The following KCNMB2 variants were observed in gnomAD, a reference collection of about 807,000 sequenced individuals.
KCNMB2 encodes the protein potassium calcium-activated channel subfamily M regulatory beta subunit 2.
KCNMB2 carries 9 observed loss-of-function variants against 24.5 expected under a neutral mutation model. The ratio of observed to expected loss-of-function variants is 0.37; its 90% confidence interval spans 0.22 to 0.64. KCNMB2 has a LOEUF of 0.64. Ranked by LOEUF, KCNMB2 falls within the 30% of genes least tolerant of loss-of-function variation. KCNMB2 has a pLI of 0.63. For missense variants in KCNMB2, 226 were observed against 284.3 expected (o/e 0.79, Z 1.47); for synonymous variants, 109 against 104.4 (o/e 1.04, Z -0.27).
chr3:178,598,353 G>T (rs1288762168), intron 1 of KCNMB2, among the ~76,000 whole-genome samples: 2 of 152,082 alleles, frequency 1.3e-5, no homozygotes, highest in Non-Finnish European at 2.9e-5. Flanking sequence ...AATACGAATT[G>T]TTATATAGAG....
Position 178,842,819 on chromosome 3 carries a change from T to C in KCNMB2, c.590T>C (p.Phe197Ser). Residue 197 changes from phenylalanine (F) to serine (S), a missense_variant, in exon 5 of 5, where the codon TTC (phenylalanine) becomes TCC (serine). Physicochemically the swap from Phe to Ser is radical, Grantham distance 155. Coordinates refer to ENST00000452583, the MANE Select transcript of KCNMB2 (RefSeq NM_181361.3). ...AAACTCTACAGTTCCAACGTGCTGT[T>C]CCATTCACTCTTCTGGCCAACCTGT... ...LTKLYSSNVLFHSLFWPTCMM... is the reference protein window; with the variant it reads ...LTKLYSSNVLSHSLFWPTCMM... 2 of 1,614,012 alleles carry C rather than the reference T, an allele frequency of 1.2e-6. No individual in the cohort carries two copies. The highest frequency in any genetic ancestry group is 1.1e-5 in the South Asian group (1 of 91,078).
At chr3:178,642,580 G>T (rs141800297) in intron 1 of KCNMB2, among the ~76,000 whole-genome samples, 9 of 152,344 alleles carry the variant, frequency 5.9e-5, no homozygotes, top group African/African-American at 2.2e-4. Context: ...AAGTTAGGGA[G>T]AAGATGTTCT....
intron 2 of KCNMB2, among the ~76,000 whole-genome samples, chr3:178,822,551 C>T (rs1438962720): frequency 7.1e-6 from 1 of 140,446 alleles, no homozygotes; most frequent in Admixed American, 7.1e-5. Context: ...CTGAACTCTG[C>T]TCTTCCAAAT....
At chr3:178,692,360 G>A (rs775814973) in intron 1 of KCNMB2, among the ~76,000 whole-genome samples, 6 of 152,114 alleles carry the variant, frequency 3.9e-5, no homozygotes, top group Non-Finnish European at 7.4e-5. Context: ...TGTCTTCAAG[G>A]AATTTTATAG....
chr3:178,758,512 C>A (rs866119286), intron 1 of KCNMB2, among the ~76,000 whole-genome samples: 6 of 28,666 alleles, frequency 2.1e-4, no homozygotes, highest in Admixed American at 4.6e-4. Flanking sequence ...ATATATATAT[C>A]TCCAAGAGGA....
intron 1 of KCNMB2, among the ~76,000 whole-genome samples, chr3:178,618,759 C>T (rs1479825471): frequency 4.6e-5 from 7 of 152,056 alleles, no homozygotes; most frequent in Non-Finnish European, 8.8e-5. Context: ...GTGAATTTAG[C>T]CTCAGATAGA....
chr3:178,768,159 C>A (rs955833734), intron 1 of KCNMB2, among the ~76,000 whole-genome samples: 1 of 152,114 alleles, frequency 6.6e-6, no homozygotes, highest in African/African-American at 2.4e-5. Flanking sequence ...TGCTGTGCTC[C>A]TGGACATAAA....
chr3:178,662,867 A>G (rs1386644791), intron 1 of KCNMB2, among the ~76,000 whole-genome samples: 1 of 152,164 alleles, frequency 6.6e-6, no homozygotes, highest in Non-Finnish European at 1.5e-5. Flanking sequence ...TGCACGTGAT[A>G]AAACAGGCCT....
At chr3:178,769,725 T>C (rs1386227475) in intron 1 of KCNMB2, among the ~76,000 whole-genome samples, 2 of 152,232 alleles carry the variant, frequency 1.3e-5, no homozygotes, top group African/African-American at 4.8e-5. Context: ...CTAACGTTTA[T>C]CTGGAAGAAA....
intron 1 of KCNMB2, among the ~76,000 whole-genome samples, chr3:178,550,457 C>CAA (rs71671909): frequency 0.17 from 7,819 of 45,382 alleles, 1,167 homozygotes; most frequent in African/African-American, 0.24. Context: ...GACTCCGTCT[C>CAA]AAAAAAAAAA....
In KCNMB2 at chr3:178,760,289, GAT is replaced by G. The variant is rs1424172090; in HGVS notation, c.-67-47049_-67-47048del. On this transcript the variant is annotated intron_variant, in intron 1 of 4. Coordinates refer to ENST00000452583, the MANE Select transcript of KCNMB2 (RefSeq NM_181361.3). ...ATCCAAGAGGATATATCTATATATA[GAT>G]ATATCCAAGAGGATATATCTATATA... is the stretch of plus-strand genomic sequence containing the variant. 3.1e-4 allele frequency among the ~76,000 whole-genome samples: 17 copies of G among 54,350 alleles called. 1 individual carries two copies. The highest frequency in any genetic ancestry group is 5.1e-4 in the Admixed American group (2 of 3,922). The allele number at this position is 54,350 out of a possible 152,430, so 35.7% of individuals were successfully genotyped here.
chr3:178,696,347 T>G (rs7427036), intron 1 of KCNMB2, among the ~76,000 whole-genome samples: 49,813 of 152,090 alleles, frequency 0.33, 8,875 homozygotes, highest in African/African-American at 0.47. Context: ...GTACAGGAAT[T>G]TACCCATTTC....
chr3:178,822,847 C>A (rs1714685616), intron 2 of KCNMB2, among the ~76,000 whole-genome samples: 1 of 152,166 alleles, frequency 6.6e-6, no homozygotes, highest in Admixed American at 6.5e-5. Flanking sequence ...CACTTCTTCT[C>A]TTTTATGGGT....
intron 1 of KCNMB2, among the ~76,000 whole-genome samples, chr3:178,770,594 TA>T (rs1242479922): frequency 1.3e-5 from 2 of 152,004 alleles, no homozygotes; most frequent in African/African-American, 4.8e-5. Flanking sequence ...TTTACCAACA[TA>T]AAAAAGCAAA....
At chr3:178,828,514 G>T (rs960945577) in intron 4 of KCNMB2, 141 bp downstream of exon 4, 7 of 598,498 alleles carry the variant, frequency 1.2e-5, no homozygotes, top group Admixed American at 3.1e-5. Flanking sequence ...CAGAGAACTT[G>T]CTATGTGACT....
In KCNMB2 at chr3:178,540,739, C is replaced by G. The variant is rs566945470; in HGVS notation, c.-68+4028C>G. On this transcript the variant is annotated intron_variant, in intron 1 of 4. Transcript: ENST00000452583. The stretch of plus-strand genomic sequence containing the variant: ...GAATGTCAGAAAACTTCCCTGAAAA[C>G]ACCTTTCAAATCACACCCCTTTGTA... 5.0e-4 allele frequency among the ~76,000 whole-genome samples: 76 copies of G among 152,278 alleles called. 1 individual carries two copies. Among genetic ancestry groups the G allele is most frequent in the African/African-American group, 1.8e-3 (75 of 41,546 alleles).
At chr3:178,680,947 A>G (rs966261119) in intron 1 of KCNMB2, among the ~76,000 whole-genome samples, 4 of 152,170 alleles carry the variant, frequency 2.6e-5, no homozygotes, top group Non-Finnish European at 5.9e-5. Flanking sequence ...TCCCTGCAGG[A>G]TAGGATTGGG....
At chr3:178,586,583 T>TCAC (rs1195530675) in intron 1 of KCNMB2, among the ~76,000 whole-genome samples, 1 of 138,676 alleles carries the variant, frequency 7.2e-6, no homozygotes, top group Non-Finnish European at 1.5e-5. Context: ...TCTCGCTCTG[T>TCAC]CACCAGGCTG....
chr3:178,632,137 G>A lies in KCNMB2; in HGVS notation c.-68+95426G>A, dbSNP rs147791603. ...GGATTAGTACAATGCCTCAGGAAAT[G>A]TACATATCTCAACACAGAGGCTGAA... On this transcript the variant is annotated intron_variant, in intron 1 of 4. Coordinates refer to ENST00000452583, the MANE Select transcript of KCNMB2 (RefSeq NM_181361.3). Among the ~76,000 whole-genome samples the A allele has an allele frequency of 2.4e-3, 363 of 152,304 alleles. 1 individual carries two copies. The highest frequency in any genetic ancestry group is 8.5e-3 in the African/African-American group (355 of 41,546).
Sources: gnomAD v4.1 joint callset for allele counts (sites outside exome capture counted in the v4.1 genomes callset) on GRCh38, gnomAD v4.1.1 for gene constraint, MANE v1.5 for transcripts, NCBI Gene and HGNC (gene_info 2026-07-23, HGNC 2026-07-21) for gene names.